The following LRP1B variants were observed in gnomAD, a reference collection of about 807,000 sequenced individuals.
LRP1B encodes the protein LDL receptor related protein 1B, also known as low-density lipoprotein receptor-related protein 1B.
LRP1B carries 217 observed loss-of-function variants against 556.6 expected under a neutral mutation model. The ratio of observed to expected loss-of-function variants is 0.39; its 90% confidence interval spans 0.35 to 0.44. LRP1B has a LOEUF of 0.44. LRP1B is among the 20% of genes least tolerant of loss of function. The pLI, the probability that LRP1B is intolerant of heterozygous loss-of-function variation, is 1.00. For synonymous variants in LRP1B, 2,047 were observed against 1,865.8 expected, an observed-to-expected ratio of 1.10 and a Z score of -2.50; for missense variants, 5,053 against 5,620.8, an observed-to-expected ratio of 0.90 and a Z score of 3.23.
chr2:140,628,619 T>C (rs1453480192), intron 41 of LRP1B, among the ~76,000 whole-genome samples: 1 of 149,454 alleles, frequency 6.7e-6, no homozygotes, highest in Admixed American at 6.6e-5. Flanking sequence ...AAATTAATGA[T>C]ATCTGGGTTC....
intron 1 of LRP1B, among the ~76,000 whole-genome samples, chr2:141,923,359 T>C (rs1344674801): frequency 6.9e-6 from 1 of 145,222 alleles, no homozygotes; most frequent in Non-Finnish European, 1.5e-5. Flanking sequence ...AAGCTTTTAA[T>C]GCCAGGTTGC....
chr2:140,598,507 G>A (rs1682529063), intron 43 of LRP1B, 124 bp downstream of exon 43: 1 of 702,526 alleles, frequency 1.4e-6, no homozygotes, highest in African/African-American at 1.8e-5. Flanking sequence ...TATTCAATTG[G>A]ATTGTTTCAA....
At chr2:141,193,585 T>G (rs973279652) in intron 6 of LRP1B, among the ~76,000 whole-genome samples, 2 of 151,872 alleles carry the variant, frequency 1.3e-5, no homozygotes, top group Non-Finnish European at 2.9e-5. Flanking sequence ...GGAGTCTACT[T>G]GAGGGTGGAG....
rs112653007 is a variant in LRP1B at position 141,641,179 on chromosome 2, C to T, written c.206-160646G>A. On this transcript the variant is annotated intron_variant, in intron 2 of 90. Transcript: ENST00000389484. ...TTAAAAGTCCACTTATTTAAAGTGCCGGTAGTATAGCTGGGTAGCTCAGTT... is the reference window on the plus strand; with the variant it reads ...TTAAAAGTCCACTTATTTAAAGTGCTGGTAGTATAGCTGGGTAGCTCAGTT... 3.6e-3 allele frequency among the ~76,000 whole-genome samples: 373 copies of T among 104,270 alleles called. 1 individual carries two copies. Among genetic ancestry groups the T allele is most frequent in the African/African-American group, 0.014 (353 of 25,410 alleles). The allele number at this position is 104,270 out of a possible 152,430, so 68.4% of individuals were successfully genotyped here. A position where few individuals can be genotyped will look rare whatever the true frequency, so the allele number is the denominator to read the frequency against.
intron 33 of LRP1B, among the ~76,000 whole-genome samples, chr2:140,773,361 C>T (rs1398289843): frequency 3.3e-5 from 5 of 151,894 alleles, no homozygotes; most frequent in Non-Finnish European, 5.9e-5. Context: ...CCCAGCTACT[C>T]GGGGGACTGA....
intron 2 of LRP1B, among the ~76,000 whole-genome samples, chr2:141,593,851 C>T (rs1350700118): frequency 3.9e-5 from 6 of 151,982 alleles, no homozygotes; most frequent in African/African-American, 4.8e-5. Flanking sequence ...CAGATAGGGA[C>T]GTGTCCCTAG....
chr2:141,214,689 T>C (rs1391588836), intron 6 of LRP1B, among the ~76,000 whole-genome samples: 1 of 152,188 alleles, frequency 6.6e-6, no homozygotes, highest in Non-Finnish European at 1.5e-5. Context: ...AAGATTTGCA[T>C]TAAGCTGTTC....
At chr2:140,858,500 T>G (rs1692686034) in intron 27 of LRP1B, among the ~76,000 whole-genome samples, 1 of 50,426 alleles carries the variant, frequency 2.0e-5, no homozygotes. Context: ...TTTATATATA[T>G]GGAGAGAGAG....
At chr2:140,376,135 A>G (rs1683219851) in intron 68 of LRP1B, among the ~76,000 whole-genome samples, 1 of 152,142 alleles carries the variant, frequency 6.6e-6, no homozygotes, top group Non-Finnish European at 1.5e-5. Flanking sequence ...CTTTACTACA[A>G]TTAATTTCAT....
chr2:141,893,490 C>T (rs560537109), intron 1 of LRP1B, among the ~76,000 whole-genome samples: 1 of 41,018 alleles, frequency 2.4e-5, no homozygotes, highest in South Asian at 1.0e-3. Context: ...CATGAGCCAC[C>T]ACTGATTTTT....
At chr2:140,673,702 G>T (rs1685567275) in intron 41 of LRP1B, among the ~76,000 whole-genome samples, 1 of 152,036 alleles carries the variant, frequency 6.6e-6, no homozygotes, top group South Asian at 2.1e-4. Context: ...CAAATGAATG[G>T]ACCCCCTTCT....
intron 18 of LRP1B, among the ~76,000 whole-genome samples, chr2:140,955,237 C>G (rs561392443): frequency 6.5e-4 from 99 of 151,912 alleles, no homozygotes; most frequent in Admixed American, 1.9e-3. Context: ...TTTTAAAAAC[C>G]TCTTAAAATA....
chr2:142,007,439 A>G (rs188883172), intron 1 of LRP1B, among the ~76,000 whole-genome samples: 20 of 152,310 alleles, frequency 1.3e-4, no homozygotes, highest in African/African-American at 4.3e-4. Context: ...AGGTATACTG[A>G]CATAGAGAAA....
intron 2 of LRP1B, among the ~76,000 whole-genome samples, chr2:141,643,826 G>T (rs1689437380): frequency 6.6e-6 from 1 of 152,106 alleles, no homozygotes; most frequent in South Asian, 2.1e-4. Flanking sequence ...ATTGGGAAAA[G>T]TATCTAACTT....
chr2:140,963,738 C>T (rs1435604568), intron 18 of LRP1B, among the ~76,000 whole-genome samples: 4 of 152,024 alleles, frequency 2.6e-5, no homozygotes, highest in African/African-American at 4.8e-5. Flanking sequence ...GGGCAGATCC[C>T]GTAAGGTCAG....
At chr2:141,495,131 T>C (rs1683468483) in intron 2 of LRP1B, among the ~76,000 whole-genome samples, 1 of 152,080 alleles carries the variant, frequency 6.6e-6, no homozygotes. Context: ...GAAACTCATA[T>C]CAAGCAAATA....
chr2:140,561,944 T>C (rs1324826153), intron 43 of LRP1B, among the ~76,000 whole-genome samples: 1 of 152,100 alleles, frequency 6.6e-6, no homozygotes, highest in Non-Finnish European at 1.5e-5. Context: ...AAAAGATTAA[T>C]GTAATTTACT....
intron 60 of LRP1B, among the ~76,000 whole-genome samples, chr2:140,470,502 G>A (rs573057597): frequency 8.6e-5 from 13 of 151,946 alleles, no homozygotes; most frequent in African/African-American, 2.9e-4. Flanking sequence ...AAAATTAGCC[G>A]GGTGTGGTGG....
intron 1 of LRP1B, among the ~76,000 whole-genome samples, chr2:142,060,617 G>T (rs1704871305): frequency 6.6e-6 from 1 of 151,946 alleles, no homozygotes; most frequent in South Asian, 2.1e-4. Flanking sequence ...ATATCTTTGA[G>T]GGCTAGATAA....
Sources: gnomAD v4.1 joint callset for allele counts (sites outside exome capture counted in the v4.1 genomes callset) on GRCh38, gnomAD v4.1.1 for gene constraint, MANE v1.5 for transcripts, NCBI Gene and HGNC (gene_info 2026-07-23, HGNC 2026-07-21) for gene names.